Variants in CRYBA1 observed in about 807,000 individuals in gnomAD.
CRYBA1 encodes beta-crystallin A3.
Under a neutral mutation model 36.2 loss-of-function variants are expected in CRYBA1, and 25 were observed. The ratio of observed to expected loss-of-function variants is 0.69; its 90% confidence interval spans 0.50 to 0.97. CRYBA1 has a LOEUF of 0.97. Ranked by LOEUF, CRYBA1 falls within the 50% of genes least tolerant of loss-of-function variation. The pLI is 0.00. For missense variants in CRYBA1, 224 were observed against 276.3 expected, an observed-to-expected ratio of 0.81 and a Z score of 1.34; for synonymous variants, 111 against 90.0, an observed-to-expected ratio of 1.23 and a Z score of -1.32.
At position 29,254,481 on chromosome 17, in the gene CRYBA1, T is replaced by TAA; in HGVS notation, c.*132_*133insAA. Reference sequence around the variant, plus strand: ...TGCTGAAATCCACAATAAACGTCATTTAAAAAAAAAAAACTTTGTAGACTG... The same window carrying TAA: ...TGCTGAAATCCACAATAAACGTCATTAATAAAAAAAAAAAACTTTGTAGACTG... On this transcript the variant is annotated 3_prime_UTR_variant, in exon 6 of 6. Transcript: ENST00000225387. 1.0e-6 allele frequency: 1 copy of TAA among 966,280 alleles called. No homozygotes were observed. Among genetic ancestry groups the TAA allele is most frequent in the Non-Finnish European group, 1.6e-6 (1 of 634,754 alleles). 59.9% of individuals were successfully genotyped at this position (966,280 alleles called of 1,614,324 possible).
chr17:29,252,648 A>G (rs1279609666), intron 4 of CRYBA1, among the ~76,000 whole-genome samples: 2 of 152,302 alleles, frequency 1.3e-5, no homozygotes, highest in East Asian at 3.9e-4. Flanking sequence ...CTGATTGATA[A>G]TAATCTTCTT....
chr17:29,250,344 C>G (rs1364516692), intron 3 of CRYBA1, 44 bp downstream of exon 3: 1 of 1,101,840 alleles, frequency 9.1e-7, no homozygotes, highest in South Asian at 1.2e-5. Flanking sequence ...TATTTCAGGT[C>G]CCTTCAGACA....
At chr17:29,248,526 G>A (rs934936653) in intron 1 of CRYBA1, among the ~76,000 whole-genome samples, 1 of 151,252 alleles carries the variant, frequency 6.6e-6, no homozygotes, top group African/African-American at 2.4e-5. Flanking sequence ...CATCATACCC[G>A]GCTAATTTTT....
In CRYBA1 at chr17:29,252,087, G is replaced by A. The variant is rs747086063; in HGVS notation, c.239G>A (p.Ser80Asn). The change falls in exon 4 of 6, where the codon AGC (serine) becomes AAC (asparagine). Residue 80 changes from serine (S) to asparagine (N), a missense_variant. Transcript: ENST00000225387. ...AGCTGGATTGGTTATGAGCATACCA[G>A]CTTCTGTGGGCAACAGTTTATCCTG... ...SGAWIGYEHT[S>N]FCGQQFILER... 11 of 1,614,048 alleles carry A rather than the reference G, an allele frequency of 6.8e-6. No individual in the cohort carries two copies. In the East Asian group the frequency reaches 1.6e-4, roughly 23 times the overall value.
At chr17:29,248,931 G>T (rs1017529795) in intron 1 of CRYBA1, among the ~76,000 whole-genome samples, 31 of 152,056 alleles carry the variant, frequency 2.0e-4, no homozygotes, top group Non-Finnish European at 4.0e-4. Flanking sequence ...TTGTGCCACT[G>T]CACTCCAGCC....
chr17:29,251,679 A>C (rs1304473632), intron 3 of CRYBA1, among the ~76,000 whole-genome samples: 2 of 152,016 alleles, frequency 1.3e-5, no homozygotes, highest in Admixed American at 1.3e-4. Context: ...GGGTTTCGCC[A>C]TGTTTCCCAG....
intron 3 of CRYBA1, 92 bp from the exon 4 acceptor site, chr17:29,251,972 C>T: frequency 6.5e-7 from 1 of 1,530,446 alleles, no homozygotes. Context: ...ATATTTTACC[C>T]CACTATTGAC....
chr17:29,250,330 C>T (rs778782514), intron 3 of CRYBA1, 30 bp downstream of exon 3: 1 of 1,290,288 alleles, frequency 7.8e-7, no homozygotes, highest in South Asian at 1.2e-5. Context: ...GAACCGCAGC[C>T]CCTTATTTCA....
Position 29,254,320 on chromosome 17 carries a change from A to G in CRYBA1, c.619A>G (p.Ile207Val). The G allele has an allele frequency of 6.2e-7, 1 of 1,614,192 alleles. No individual in the cohort carries two copies. The highest frequency in any genetic ancestry group is 8.5e-7 in the Non-Finnish European group (1 of 1,180,038). ...GGGCTCTCATGCCCAGACTTCGCAG[A>G]TCCAATCGATTCGCCGAATCCAACA... ...EWGSHAQTSQ[I>V]QSIRRIQQ Residue 207 changes from isoleucine to valine, a missense_variant, in exon 6 of 6, where the codon ATC becomes GTC. Coordinates refer to ENST00000225387, the MANE Select transcript of CRYBA1 (RefSeq NM_005208.5).
At position 29,252,173 on chromosome 17, in the gene CRYBA1, C is replaced by T. The variant is rs1352642873; in HGVS notation, c.325C>T (p.Arg109Cys). 3.1e-6 allele frequency: 5 copies of T among 1,614,026 alleles called. No individual in the cohort carries two copies. Among genetic ancestry groups the T allele is most frequent in the Non-Finnish European group, 4.2e-6 (5 of 1,180,030 alleles). The stretch of plus-strand genomic sequence containing the variant: ...TGGGAGTAATGCCTACCACATTGAG[C>T]GTCTCATGTCCTTCCGCCCCATCTG... ...WSGSNAYHIE[R>C]LMSFRPICSA... Residue 109 changes from arginine (R) to cysteine (C), a missense_variant, in exon 4 of 6, where the codon CGT becomes TGT. Coordinates refer to ENST00000225387, the MANE Select transcript of CRYBA1 (RefSeq NM_005208.5).
chr17:29,253,851 T>C, intron 5 of CRYBA1, 69 bp downstream of exon 5: 2 of 1,561,852 alleles, frequency 1.3e-6, no homozygotes, highest in Non-Finnish European at 1.8e-6. Context: ...AGTTATGTTT[T>C]AATCAGATTT....
At chr17:29,252,312 G>A in intron 4 of CRYBA1, 107 bp downstream of exon 4, 1 of 1,463,732 alleles carries the variant, frequency 6.8e-7, no homozygotes, top group South Asian at 1.2e-5. Context: ...AATGTGGCAG[G>A]AAAAAAGACA....
At position 29,248,018 on chromosome 17, in the gene CRYBA1, A is replaced by T. The variant is rs566767482; in HGVS notation, c.31+1124A>T. ...GTAATCCCAGCTACTAGGGAGGCTG[A>T]GACAGGAGAATCGCTTGAACCTGGG... On this transcript the variant is annotated intron_variant, in intron 1 of 5. Transcript: ENST00000225387. 3.9e-5 allele frequency among the ~76,000 whole-genome samples: 6 copies of T among 152,180 alleles called. No homozygotes were observed. The South Asian group carries it at 6.2e-4, about 16-fold the overall frequency.
rs376724168 is a variant in CRYBA1, at chr17:29,250,765, C to G, written c.215+465C>G. The stretch of plus-strand genomic sequence containing the variant: ...CTTTATGAAAAAAAAAACCTTAACC[C>G]CACGACTCCAGAGACATATTAGCTC... On this transcript the variant is annotated intron_variant, in intron 3 of 5. Transcript: ENST00000225387. Among the ~76,000 whole-genome samples, 68 of 152,236 alleles carry G rather than the reference C, an allele frequency of 4.5e-4. No individual in the cohort carries two copies. In the East Asian group the frequency reaches 0.012, roughly 28 times the overall value.
Position 29,250,177 on chromosome 17 carries a change from T to C in CRYBA1, c.97-5T>C, listed in dbSNP as rs908885524. ...GCTCTCTTGCGCCATTCAATCTCATTTCAGATAACCATCTATGATCAGGAG... is the reference window on the plus strand; with the variant it reads ...GCTCTCTTGCGCCATTCAATCTCATCTCAGATAACCATCTATGATCAGGAG... On this transcript the variant is annotated splice_polypyrimidine_tract_variant and splice_region_variant and intron_variant, in intron 2 of 5. Coordinates refer to ENST00000225387, the MANE Select transcript of CRYBA1 (RefSeq NM_005208.5). 6.6e-7 allele frequency: 1 copy of C among 1,511,906 alleles called. No individual in the cohort carries two copies. The highest frequency in any genetic ancestry group is 9.2e-7 in the Non-Finnish European group (1 of 1,086,696). 93.7% of individuals were successfully genotyped at this position (1,511,906 alleles called of 1,614,324 possible).
chr17:29,253,737 G>A lies in CRYBA1; in HGVS notation c.455G>A (p.Gly152Asp). The change falls in exon 5 of 6, where the codon GGC becomes GAC. Residue 152 changes from glycine to aspartate, a missense_variant. Gly to Asp is a moderately conservative substitution (Grantham distance 94). Coordinates refer to ENST00000225387, the MANE Select transcript of CRYBA1 (RefSeq NM_005208.5). ...GACTACCCCTCCTTGCAAGCCATGG[G>A]CTGGTTCAACAACGAAGTCGGCTCC... ...SDDYPSLQAM[G>D]WFNNEVGSMK... 1 of 1,614,172 alleles carries A rather than the reference G, an allele frequency of 6.2e-7. No homozygotes were observed. Among genetic ancestry groups the A allele is most frequent in the Non-Finnish European group, 8.5e-7 (1 of 1,180,034 alleles).
At position 29,252,082 on chromosome 17, in the gene CRYBA1, T is replaced by C; in HGVS notation, c.234T>C (p.His78=). The change falls in exon 4 of 6, where the codon CAT becomes CAC. Residue 78 remains histidine, a synonymous_variant. Coordinates refer to ENST00000225387, the MANE Select transcript of CRYBA1 (RefSeq NM_005208.5). ...VESGAWIGYE[H]TSFCGQQFIL... is the part of the protein sequence containing the mutation. Reference sequence around the variant, plus strand: ...TTGGCAGCTGGATTGGTTATGAGCATACCAGCTTCTGTGGGCAACAGTTTA... The same window carrying C: ...TTGGCAGCTGGATTGGTTATGAGCACACCAGCTTCTGTGGGCAACAGTTTA... The C allele has an allele frequency of 6.2e-7, 1 of 1,614,178 alleles. No individual in the cohort carries two copies.
intron 1 of CRYBA1, among the ~76,000 whole-genome samples, chr17:29,248,510 G>A (rs1042548696): frequency 5.9e-5 from 9 of 151,350 alleles, no homozygotes; most frequent in African/African-American, 1.5e-4. Flanking sequence ...GACTACAGGC[G>A]TGTGCCATCA....
intron 3 of CRYBA1, among the ~76,000 whole-genome samples, chr17:29,251,277 C>G (rs1598425246): frequency 6.6e-6 from 1 of 152,134 alleles, no homozygotes; most frequent in East Asian, 1.9e-4. Context: ...AAAGAATTGT[C>G]TTGGGCCACA....
Sources: allele counts gnomAD v4.1 joint callset (sites outside exome capture counted in the v4.1 genomes callset), GRCh38; gene constraint gnomAD v4.1.1; transcripts MANE v1.5; gene names NCBI Gene and HGNC (gene_info 2026-07-23, HGNC 2026-07-21).